Variants in APP observed in about 807,000 individuals in gnomAD.
APP encodes amyloid beta precursor protein.
Under a neutral mutation model 101.4 loss-of-function variants are expected in APP, and 31 were observed. The observed-to-expected ratio is 0.31, with a 90% CI of 0.23 to 0.41. The LOEUF is 0.41. APP is among the 10% of genes least tolerant of loss of function. The pLI, the probability that APP is intolerant of heterozygous loss-of-function variation, is 1.00. For synonymous variants in APP, 366 were observed against 364.4 expected (o/e 1.00, Z -0.05); for missense variants, 839 against 1,003.7 (o/e 0.84, Z 2.22).
chr21:26,023,212 C>T (rs2044421575), intron 5 of APP, among the ~76,000 whole-genome samples: 1 of 152,054 alleles, frequency 6.6e-6, no homozygotes, highest in South Asian at 2.1e-4. Context: ...GCATCAGAAT[C>T]ACCTGGAAGG....
intron 3 of APP, among the ~76,000 whole-genome samples, chr21:26,071,378 T>C (rs2061408686): frequency 6.6e-6 from 1 of 152,084 alleles, no homozygotes; most frequent in East Asian, 1.9e-4. Context: ...AGCAAATATT[T>C]TGAAGAGCAA....
In APP at chr21:25,881,155, A is replaced by G; in HGVS notation, c.*515T>C. The G allele has an allele frequency of 5.4e-6, 1 of 185,866 alleles. No homozygotes were observed. Among genetic ancestry groups the G allele is most frequent in the Non-Finnish European group, 1.1e-5 (1 of 87,326 alleles). The allele number at this position is 185,866 out of a possible 1,614,324, so 11.5% of individuals were successfully genotyped here. On this transcript the variant is annotated 3_prime_UTR_variant, in exon 18 of 18. Transcript: ENST00000346798. ...TGTACAGTAAAATGCAGTCATGGAA[A>G]AAAAATCTCTCTAAAGCATCTGAAA...
At chr21:25,984,097 AC>A (rs2042547490) in intron 8 of APP, among the ~76,000 whole-genome samples, 1 of 152,204 alleles carries the variant, frequency 6.6e-6, no homozygotes, top group African/African-American at 2.4e-5. Context: ...TGGAGCTCAT[AC>A]ATGTTAGTGG....
At chr21:26,072,404 A>G (rs1174318662) in intron 3 of APP, among the ~76,000 whole-genome samples, 5 of 152,112 alleles carry the variant, frequency 3.3e-5, no homozygotes, top group Non-Finnish European at 4.4e-5. Context: ...CTCTCCTCAC[A>G]CTGTAATAAT....
At chr21:25,954,536 C>A (rs1208858451) in intron 13 of APP, 54 bp downstream of exon 13, 9 of 1,476,806 alleles carry the variant, frequency 6.1e-6, no homozygotes, top group Non-Finnish European at 7.5e-6. Flanking sequence ...CCTCAATTTT[C>A]CTCTGGGGGA....
chr21:26,004,514 G>A (rs917855655), intron 6 of APP, among the ~76,000 whole-genome samples: 7 of 151,838 alleles, frequency 4.6e-5, no homozygotes, highest in Non-Finnish European at 1.0e-4. Flanking sequence ...GGATGGTCTC[G>A]ATCTCCTGAC....
intron 1 of APP, among the ~76,000 whole-genome samples, chr21:26,119,270 C>T (rs2062508770): frequency 6.6e-6 from 1 of 152,128 alleles, no homozygotes; most frequent in African/African-American, 2.4e-5. Context: ...CATGGCAGTA[C>T]TATTTTGCAT....
intron 6 of APP, among the ~76,000 whole-genome samples, chr21:26,021,353 C>T (rs1333475388): frequency 6.6e-6 from 1 of 152,076 alleles, no homozygotes; most frequent in Non-Finnish European, 1.5e-5. Flanking sequence ...TGGCCCAAAT[C>T]TCCTTCTTTA....
intron 1 of APP, among the ~76,000 whole-genome samples, chr21:26,141,454 A>C (rs2063043535): frequency 6.6e-6 from 1 of 152,194 alleles, no homozygotes; most frequent in Non-Finnish European, 1.5e-5. Flanking sequence ...ATTTTGAAAA[A>C]TAGATCTACA....
chr21:26,061,981 C>T (rs1045928867), intron 3 of APP, among the ~76,000 whole-genome samples: 2 of 151,850 alleles, frequency 1.3e-5, no homozygotes, highest in African/African-American at 2.4e-5. Flanking sequence ...TTTGGGAGGC[C>T]GAGGTGGATC....
intron 6 of APP, among the ~76,000 whole-genome samples, chr21:26,021,504 A>G (rs2044336289): frequency 6.6e-6 from 1 of 152,162 alleles, no homozygotes; most frequent in South Asian, 2.1e-4. Context: ...ATTATATAAC[A>G]AACACTCACT....
At chr21:25,970,460 C>T (rs905579303) in intron 11 of APP, among the ~76,000 whole-genome samples, 1 of 152,154 alleles carries the variant, frequency 6.6e-6, no homozygotes, top group African/African-American at 2.4e-5. Flanking sequence ...GGTCTCAGCA[C>T]CCACCAGCCT....
chr21:25,885,371 C>A lies in APP; in HGVS notation c.2212-3600G>T, dbSNP rs2037256882. On this transcript the variant is annotated intron_variant, in intron 17 of 17. Transcript: ENST00000346798. The stretch of plus-strand genomic sequence containing the variant: ...ACCCTGTGCAGACAGGGCCTCTGCA[C>A]AGACACAATATTATTTCCCTTAAAG... 2.6e-5 allele frequency among the ~76,000 whole-genome samples: 4 copies of A among 152,238 alleles called. No homozygotes were observed. In the South Asian group the frequency reaches 6.2e-4, roughly 24 times the overall value.
In APP at chr21:25,911,851, G is replaced by A. The variant is rs200088099; in HGVS notation, c.1799C>T (p.Thr600Met). 1.0e-4 allele frequency: 162 copies of A among 1,614,010 alleles called. No homozygotes were observed. The highest frequency in any genetic ancestry group is 9.5e-4 in the Admixed American group (57 of 59,996). ...NDALMPSLTE[T>M]KTTVELLPVN... ...GGGAAGGAGCTCCACGGTGGTTTTC[G>A]TTTCGGTCAAAGATGGCATGAGAGC... Residue 600 changes from threonine (T) to methionine (M), a missense_variant, in exon 14 of 18, where the codon ACG (threonine) becomes ATG (methionine). Physicochemically the swap from Thr to Met is moderately conservative, Grantham distance 81. Transcript: ENST00000346798.
At chr21:26,027,740 T>A (rs2830014) in intron 5 of APP, among the ~76,000 whole-genome samples, 15,686 of 152,116 alleles carry the variant, frequency 0.1, 1,272 homozygotes, top group East Asian at 0.29. Context: ...AAAACTTTGC[T>A]TACTTGCATT....
chr21:25,944,199 C>T (rs776067140), intron 13 of APP, among the ~76,000 whole-genome samples: 5 of 152,150 alleles, frequency 3.3e-5, no homozygotes, highest in African/African-American at 7.2e-5. Flanking sequence ...CTTTTTTAAA[C>T]GCACTATCTG....
intron 13 of APP, among the ~76,000 whole-genome samples, chr21:25,924,687 G>A (rs937954399): frequency 6.6e-6 from 1 of 151,686 alleles, no homozygotes; most frequent in Admixed American, 6.6e-5. Context: ...TAGATGACGG[G>A]TTGATGGGTG....
At chr21:26,150,614 TAGAC>T (rs895591489) in intron 1 of APP, among the ~76,000 whole-genome samples, 16 of 150,910 alleles carry the variant, frequency 1.1e-4, no homozygotes, top group South Asian at 2.1e-4. Context: ...GACAGATAGA[TAGAC>T]AGATAGATAG....
chr21:25,929,421 T>G (rs1208810658), intron 13 of APP, among the ~76,000 whole-genome samples: 1 of 152,212 alleles, frequency 6.6e-6, no homozygotes, highest in Non-Finnish European at 1.5e-5. Flanking sequence ...CTTACAGCAT[T>G]ATTTTCGTCT....
Sources: gnomAD v4.1 joint callset for allele counts (sites outside exome capture counted in the v4.1 genomes callset) on GRCh38, gnomAD v4.1.1 for gene constraint, MANE v1.5 for transcripts, NCBI Gene and HGNC (gene_info 2026-07-23, HGNC 2026-07-21) for gene names.